BCAS3: variants seen among roughly 807,000 people sequenced by gnomAD.
BCAS3 encodes the protein BCAS4/BCAS3 fusion.
In BCAS3, 53 loss-of-function variants were observed where a neutral mutation model predicts 116.1. That is an observed-to-expected ratio of 0.46 (90% CI 0.37 to 0.57). The LOEUF (loss-of-function observed/expected upper bound fraction) is 0.57. Ranked by LOEUF, BCAS3 falls within the 20% of genes least tolerant of loss-of-function variation. BCAS3 has a pLI of 0.00. For synonymous variants in BCAS3, 391 were observed against 408.2 expected, an observed-to-expected ratio of 0.96 and a Z score of 0.51; for missense variants, 917 against 1,165.4, an observed-to-expected ratio of 0.79 and a Z score of 3.10.
At chr17:60,859,694 A>C (rs936358072) in intron 7 of BCAS3, among the ~76,000 whole-genome samples, 2 of 151,286 alleles carry the variant, frequency 1.3e-5, no homozygotes, top group Non-Finnish European at 2.9e-5. Flanking sequence ...TCAGCCTCCT[A>C]AGTAGCTGGG....
chr17:61,050,492 T>C (rs2068760775), intron 19 of BCAS3, among the ~76,000 whole-genome samples: 1 of 151,838 alleles, frequency 6.6e-6, no homozygotes, highest in Non-Finnish European at 1.5e-5. Flanking sequence ...TTTTGTAATA[T>C]ATGTGAGTGG....
chr17:60,950,628 AT>A (rs2060780884), intron 14 of BCAS3, among the ~76,000 whole-genome samples: 1 of 152,204 alleles, frequency 6.6e-6, no homozygotes, highest in African/African-American at 2.4e-5. Context: ...AAAAGTCATT[AT>A]TTATTAGGCA....
intron 22 of BCAS3, among the ~76,000 whole-genome samples, chr17:61,269,172 T>C (rs2050020888): frequency 6.6e-6 from 1 of 151,280 alleles, no homozygotes; most frequent in Non-Finnish European, 1.5e-5. Context: ...TGGAGTGCAA[T>C]GCTGTGATCT....
chr17:60,876,767 T>C (rs1283785326), intron 9 of BCAS3, among the ~76,000 whole-genome samples: 1 of 152,170 alleles, frequency 6.6e-6, no homozygotes, highest in African/African-American at 2.4e-5. Context: ...TTCTATCTTG[T>C]ATACATTTTC....
At chr17:60,936,579 TG>T (rs1321202462) in intron 13 of BCAS3, among the ~76,000 whole-genome samples, 1 of 152,178 alleles carries the variant, frequency 6.6e-6, no homozygotes, top group African/African-American at 2.4e-5. Context: ...TATCTCATAG[TG>T]GTTTTGATTT....
At chr17:61,264,525 A>G (rs2049507519) in intron 22 of BCAS3, among the ~76,000 whole-genome samples, 1 of 151,556 alleles carries the variant, frequency 6.6e-6, no homozygotes, top group South Asian at 2.1e-4. Flanking sequence ...CTCATGTCTC[A>G]GCCTCCCACA....
chr17:60,715,325 C>T (rs548288480), intron 5 of BCAS3, among the ~76,000 whole-genome samples: 11 of 151,150 alleles, frequency 7.3e-5, no homozygotes, highest in Admixed American at 4.6e-4. Flanking sequence ...TTAGTAGAGA[C>T]GGGGTTTCAC....
intron 22 of BCAS3, among the ~76,000 whole-genome samples, chr17:61,329,516 A>ATT (rs536610222): frequency 6.7e-6 from 1 of 149,974 alleles, no homozygotes; most frequent in Admixed American, 6.6e-5. Context: ...AATTTTTTGT[A>ATT]TTTTTTAGTA....
In BCAS3 at chr17:61,392,215, T is replaced by C; in HGVS notation, c.*90T>C. 3 of 1,432,384 alleles carry C rather than the reference T, an allele frequency of 2.1e-6. No individual in the cohort carries two copies. The Admixed American group carries it at 6.6e-5, about 32-fold the overall frequency. The allele number at this position is 1,432,384 out of a possible 1,614,324, so 88.7% of individuals were successfully genotyped here. A position where few individuals can be genotyped will look rare whatever the true frequency, so the allele number is the denominator to read the frequency against. On this transcript the variant is annotated 3_prime_UTR_variant, in exon 24 of 24. Transcript: ENST00000407086. This position sits in a 1 kb window ranked among gnomAD's most constrained non-coding sequence, Gnocchi z 6.4. ...TCTGGTCCTACCCTTCAGTCTCTGC[T>C]CTTCCTTCATCAACCACCTTCCCCA...
intron 3 of BCAS3, among the ~76,000 whole-genome samples, chr17:60,686,286 A>G (rs1022585756): frequency 5.9e-5 from 9 of 152,138 alleles, no homozygotes; most frequent in African/African-American, 2.2e-4. Flanking sequence ...ATTAAAAAAT[A>G]ATGTTTTCTG....
chr17:60,722,543 A>G (rs2039350503), intron 5 of BCAS3, among the ~76,000 whole-genome samples: 1 of 151,316 alleles, frequency 6.6e-6, no homozygotes, highest in Non-Finnish European at 1.5e-5. Context: ...TGGGTAGATC[A>G]CGACGTCAAG....
At chr17:61,320,205 C>T (rs1323832458) in intron 22 of BCAS3, among the ~76,000 whole-genome samples, 1 of 151,030 alleles carries the variant, frequency 6.6e-6, no homozygotes, top group Non-Finnish European at 1.5e-5. Flanking sequence ...AGTCTTTTTT[C>T]TATGCATTTA....
At chr17:61,149,577 TGA>T (rs1315472380) in intron 22 of BCAS3, among the ~76,000 whole-genome samples, 5 of 152,196 alleles carry the variant, frequency 3.3e-5, no homozygotes, top group Non-Finnish European at 1.5e-5. Flanking sequence ...GAGAAACATA[TGA>T]GAGATTTGTG....
chr17:61,056,597 A>G lies in BCAS3; in HGVS notation c.2029+15705A>G, dbSNP rs1600831751. On this transcript the variant is annotated intron_variant, in intron 19 of 23. Transcript: ENST00000407086. The surrounding 1 kb of genome is among the most constrained non-coding windows in gnomAD (Gnocchi z 4.9). ...GCCCTATTCCCCTTAGAACTTACTG[A>G]TGTTGTGTTTATTGTTATATATACT... is the stretch of plus-strand genomic sequence containing the variant. 6.6e-6 allele frequency among the ~76,000 whole-genome samples: 1 copy of G among 152,118 alleles called. No homozygotes were observed. Among genetic ancestry groups the G allele is most frequent in the Admixed American group, 6.5e-5 (1 of 15,272 alleles).
At position 61,019,315 on chromosome 17, in the gene BCAS3, A is replaced by G. The variant is rs1361166150; in HGVS notation, c.1637+3414A>G. On this transcript the variant is annotated intron_variant, in intron 16 of 23. Coordinates refer to ENST00000407086, the MANE Select transcript of BCAS3 (RefSeq NM_017679.5). This position sits in a 1 kb window ranked among gnomAD's most constrained non-coding sequence, Gnocchi z 5.6. ...ATCTAATGCCTCATGATCTGAAGTG[A>G]AACTTCCATGAAACCTATTCCTGGT... Among the ~76,000 whole-genome samples, 1 of 152,184 alleles carries G rather than the reference A, an allele frequency of 6.6e-6. No homozygotes were observed. The highest frequency in any genetic ancestry group is 1.5e-5 in the Non-Finnish European group (1 of 68,040).
intron 22 of BCAS3, among the ~76,000 whole-genome samples, chr17:61,137,941 T>C (rs1417397348): frequency 6.6e-6 from 1 of 152,218 alleles, no homozygotes; most frequent in East Asian, 1.9e-4. Context: ...GATCCTGATA[T>C]GGTAGGACAT....
chr17:60,850,324 C>A (rs2052973843), intron 7 of BCAS3, among the ~76,000 whole-genome samples: 2 of 150,700 alleles, frequency 1.3e-5, no homozygotes, highest in Non-Finnish European at 2.9e-5. Flanking sequence ...TTTTTCCCTC[C>A]CCCTAACTCC....
intron 6 of BCAS3, among the ~76,000 whole-genome samples, chr17:60,773,315 A>G (rs1434774785): frequency 8.2e-6 from 1 of 121,542 alleles, no homozygotes; most frequent in Non-Finnish European, 1.6e-5. Context: ...TTTTTGGGAC[A>G]GGGTCTCACT....
intron 6 of BCAS3, among the ~76,000 whole-genome samples, chr17:60,795,242 AC>A (rs1309188833): frequency 6.6e-6 from 1 of 152,142 alleles, no homozygotes. Flanking sequence ...GTATAGAAGA[AC>A]TACTGATTTG....
Sources: gnomAD v4.1 joint callset for allele counts (sites outside exome capture counted in the v4.1 genomes callset) on GRCh38, gnomAD v4.1.1 for gene constraint, Gnocchi (gnomAD v3.1) non-coding constraint, MANE v1.5 for transcripts, NCBI Gene and HGNC (gene_info 2026-07-23, HGNC 2026-07-21) for gene names.